The following CSMD1 variants were observed in gnomAD, a reference collection of about 807,000 sequenced individuals.
CSMD1 encodes the protein CUB and sushi domain-containing protein 1.
Under a neutral mutation model 417.5 loss-of-function variants are expected in CSMD1, and 213 were observed. The ratio of observed to expected loss-of-function variants is 0.51; its 90% CI spans 0.46 to 0.57. The LOEUF (loss-of-function observed/expected upper bound fraction) is 0.57. Ranked by LOEUF, CSMD1 falls within the 20% of genes least tolerant of loss-of-function variation. The pLI, the probability that CSMD1 is intolerant of heterozygous loss-of-function variation, is 0.00. For missense variants in CSMD1, 6,923 were observed against 4,529.7 expected (o/e 1.53, Z -15.17); for synonymous variants, 2,862 against 1,736.8 (o/e 1.65, Z -16.11).
chr8:4,080,832 G>A (rs376522353), intron 3 of CSMD1, among the ~76,000 whole-genome samples: 2 of 152,200 alleles, frequency 1.3e-5, no homozygotes, highest in Admixed American at 6.5e-5. Context: ...ATTCAATAAA[G>A]GTATTGCTAT....
intron 37 of CSMD1, among the ~76,000 whole-genome samples, chr8:3,180,343 C>A (rs1481171598): frequency 6.6e-6 from 1 of 152,152 alleles, no homozygotes; most frequent in Non-Finnish European, 1.5e-5. Flanking sequence ...CACACAAATG[C>A]AGGCTCCGGA....
At chr8:3,272,510 A>C (rs1180998909) in intron 26 of CSMD1, among the ~76,000 whole-genome samples, 2 of 144,980 alleles carry the variant, frequency 1.4e-5, no homozygotes, top group East Asian at 4.1e-4. Context: ...GAATCTGTAA[A>C]TTACTTTGGG....
chr8:4,428,701 A>C (rs1382040398), intron 2 of CSMD1, among the ~76,000 whole-genome samples: 1 of 152,018 alleles, frequency 6.6e-6, no homozygotes, highest in Non-Finnish European at 1.5e-5. Context: ...GGTTCATTTT[A>C]AATTTGGTTA....
intron 3 of CSMD1, among the ~76,000 whole-genome samples, chr8:4,083,450 G>T (rs984807327): frequency 6.6e-6 from 1 of 152,076 alleles, no homozygotes; most frequent in Non-Finnish European, 1.5e-5. Flanking sequence ...ATACTACAAG[G>T]CTACAGTAAC....
rs759554143 is a variant in CSMD1, at chr8:4,931,928, C to T, written c.85+62404G>A. On this transcript the variant is annotated intron_variant, in intron 1 of 69. Coordinates refer to ENST00000635120, the MANE Select transcript of CSMD1 (RefSeq NM_033225.6). ...GAAATGTCCCTTGGACATTAAGATG[C>T]TTATGTAAGAAATTCTTGTGTAACA... Among the ~76,000 whole-genome samples, 16 of 152,056 alleles carry T rather than the reference C, an allele frequency of 1.1e-4. 1 individual carries two copies. The highest frequency in any genetic ancestry group is 1.6e-4 in the Non-Finnish European group (11 of 68,014).
intron 2 of CSMD1, among the ~76,000 whole-genome samples, chr8:4,478,368 A>G (rs553581495): frequency 5.3e-5 from 8 of 152,206 alleles, no homozygotes; most frequent in African/African-American, 1.9e-4. Context: ...GGAAATATTA[A>G]GATTTGAAAC....
intron 7 of CSMD1, among the ~76,000 whole-genome samples, chr8:3,645,137 G>A (rs1797514758): frequency 6.6e-6 from 1 of 152,076 alleles, no homozygotes; most frequent in Admixed American, 6.5e-5. Flanking sequence ...AGCCAAATCA[G>A]GATGAGTAAC....
At chr8:3,776,111 T>C (rs531629391) in intron 5 of CSMD1, among the ~76,000 whole-genome samples, 1 of 152,058 alleles carries the variant, frequency 6.6e-6, no homozygotes, top group East Asian at 1.9e-4. Context: ...CCCCCATCCT[T>C]CCTTCCTTCT....
intron 4 of CSMD1, among the ~76,000 whole-genome samples, chr8:4,025,630 A>T (rs953668588): frequency 6.6e-6 from 1 of 152,210 alleles, no homozygotes; most frequent in Non-Finnish European, 1.5e-5. Flanking sequence ...CCAATAATAT[A>T]CAATGAATAA....
intron 4 of CSMD1, among the ~76,000 whole-genome samples, chr8:4,030,441 T>A (rs1382738347): frequency 6.6e-6 from 1 of 152,206 alleles, no homozygotes; most frequent in Non-Finnish European, 1.5e-5. Context: ...GAGGCTTACA[T>A]CCTCTGATGA....
At chr8:3,842,793 A>T (rs932843916) in intron 5 of CSMD1, among the ~76,000 whole-genome samples, 1 of 152,222 alleles carries the variant, frequency 6.6e-6, no homozygotes, top group African/African-American at 2.4e-5. Context: ...GTCTTTTAAA[A>T]AGTTGGAATG....
intron 12 of CSMD1, among the ~76,000 whole-genome samples, chr8:3,458,607 G>A (rs1248035851): frequency 2.0e-5 from 3 of 152,160 alleles, no homozygotes; most frequent in Non-Finnish European, 4.4e-5. Context: ...TATTCGTCTT[G>A]CGTTAAGACA....
At chr8:4,082,598 C>A (rs555238047) in intron 3 of CSMD1, among the ~76,000 whole-genome samples, 7 of 146,734 alleles carry the variant, frequency 4.8e-5, no homozygotes, top group African/African-American at 1.5e-4. Context: ...AAAAACCTTT[C>A]TTTTTTCGTT....
chr8:4,003,395 TAAACAAACAAACAAAA>T (rs1355669351), intron 4 of CSMD1, among the ~76,000 whole-genome samples: 19 of 143,432 alleles, frequency 1.3e-4, no homozygotes, highest in African/African-American at 4.7e-4. Flanking sequence ...ACTGTCTCAA[TAAACAAACAAACAAAA>T]AAACAAACAA....
At chr8:4,580,839 T>C (rs1299943938) in intron 2 of CSMD1, among the ~76,000 whole-genome samples, 1 of 152,244 alleles carries the variant, frequency 6.6e-6, no homozygotes, top group Non-Finnish European at 1.5e-5. Context: ...TACTGCCCGC[T>C]TCATACTGGA....
chr8:4,022,437 G>C (rs2688345), intron 4 of CSMD1, among the ~76,000 whole-genome samples: 62,998 of 151,914 alleles, frequency 0.41, 14,110 homozygotes, highest in South Asian at 0.63. Context: ...ATACATCCAT[G>C]GGCGTGGATG....
chr8:4,230,993 T>G (rs923908400), intron 3 of CSMD1, among the ~76,000 whole-genome samples: 3 of 152,206 alleles, frequency 2.0e-5, no homozygotes, highest in Non-Finnish European at 4.4e-5. Flanking sequence ...TACTAGTATT[T>G]TGTTTCATCA....
intron 10 of CSMD1, among the ~76,000 whole-genome samples, chr8:3,496,618 G>T (rs1317663105): frequency 1.3e-5 from 2 of 152,128 alleles, no homozygotes; most frequent in African/African-American, 4.8e-5. Context: ...ATGAGGTCAG[G>T]AATTCGAGAC....
intron 5 of CSMD1, among the ~76,000 whole-genome samples, chr8:3,927,204 T>G (rs992667029): frequency 1.3e-5 from 2 of 152,084 alleles, no homozygotes; most frequent in African/African-American, 4.8e-5. Flanking sequence ...TCTAACAGCT[T>G]CTAATAAATA....
Sources: allele counts gnomAD v4.1 joint callset (sites outside exome capture counted in the v4.1 genomes callset), GRCh38; gene constraint gnomAD v4.1.1; transcripts MANE v1.5; gene names NCBI Gene and HGNC (gene_info 2026-07-23, HGNC 2026-07-21).